The following UNC80 variants were observed in gnomAD, a reference collection of about 807,000 sequenced individuals.
UNC80 encodes the protein protein unc-80 homolog.
Under a neutral mutation model 384.6 loss-of-function variants are expected in UNC80, and 164 were observed. That is an observed-to-expected ratio of 0.43 (90% CI 0.38 to 0.49). UNC80 has a LOEUF of 0.49. Among genes scored for constraint, UNC80 ranks in the 20% least tolerant of loss-of-function variants. UNC80 has a pLI of 0.00. For missense variants in UNC80, 3,330 were observed against 4,143.0 expected (o/e 0.80, Z 5.39); for synonymous variants, 1,486 against 1,527.8 (o/e 0.97, Z 0.64).
intron 61 of UNC80, 66 bp from the exon 62 acceptor site, chr2:209,992,100 A>G: frequency 7.3e-7 from 1 of 1,367,424 alleles, no homozygotes; most frequent in Non-Finnish European, 1.0e-6. Flanking sequence ...ATTTTGGCTA[A>G]CACCCACCAG....
chr2:209,844,465 TTC>T (rs2082003432), intron 21 of UNC80, among the ~76,000 whole-genome samples: 1 of 58,872 alleles, frequency 1.7e-5, no homozygotes, highest in African/African-American at 4.1e-5. Flanking sequence ...CTTTCTTTCT[TTC>T]TTTCTTTCTT....
Position 209,923,892 on chromosome 2 carries a change from C to A in UNC80, c.5662+1509C>A, listed in dbSNP as rs537696259. 3.1e-4 allele frequency among the ~76,000 whole-genome samples: 47 copies of A among 152,116 alleles called. 1 individual carries two copies. Among genetic ancestry groups the A allele is most frequent in the African/African-American group, 1.1e-3 (45 of 41,532 alleles). On this transcript the variant is annotated intron_variant, in intron 35 of 64. Transcript: ENST00000673920. ...CTGCTAATTTTGCCTTTTGATTAGT[C>A]AGTTTACATTTATTGCAGTTTTGGA...
rs1253449974 is a variant in UNC80 at position 209,984,899 on chromosome 2, G to A, written c.9301G>A (p.Gly3101Ser). The change falls in exon 61 of 65, where the codon GGC (glycine) becomes AGC (serine). Residue 3101 changes from glycine to serine, a missense_variant. Coordinates refer to ENST00000673920, the MANE Select transcript of UNC80 (RefSeq NM_001371986.1). ...TGACTCCCAGGGCCTGGCCGCCGAG[G>A]GCAGCCTCTCTAGGTACAGTGTCAA... ...LDDSQGLAAEGSLSRVASIQS... is the reference protein window; with the variant it reads ...LDDSQGLAAESSLSRVASIQS... 3 of 1,550,760 alleles carry A rather than the reference G, an allele frequency of 1.9e-6. No individual in the cohort carries two copies. Among genetic ancestry groups the A allele is most frequent in the African/African-American group, 1.4e-5 (1 of 72,908 alleles).
Position 209,934,572 on chromosome 2 carries a change from A to G in UNC80, c.6178+567A>G, listed in dbSNP as rs796106543. On this transcript the variant is annotated intron_variant, in intron 39 of 64. Transcript: ENST00000673920. ...AGTGACTAAGAAAATTTGAGATGAT[A>G]CATGTATTGAAATAGAAGTGAAAGA... 5.3e-5 allele frequency among the ~76,000 whole-genome samples: 8 copies of G among 152,308 alleles called. No individual in the cohort carries two copies. The South Asian group carries it at 1.5e-3, about 28-fold the overall frequency.
chr2:209,894,536 G>A (rs2086633918), intron 27 of UNC80, among the ~76,000 whole-genome samples, 170 bp downstream of exon 27: 1 of 152,206 alleles, frequency 6.6e-6, no homozygotes, highest in Admixed American at 6.5e-5. Flanking sequence ...GAGCAAGGCA[G>A]CTCAAGCCTT....
intron 22 of UNC80, among the ~76,000 whole-genome samples, chr2:209,871,814 CT>C (rs551693169): frequency 6.6e-4 from 85 of 129,294 alleles, no homozygotes; most frequent in Non-Finnish European, 7.4e-4. Context: ...CTTCTTTTTT[CT>C]TTTTTTTTTT....
At chr2:209,790,549 T>C (rs1396279346) in intron 6 of UNC80, among the ~76,000 whole-genome samples, 1 of 152,196 alleles carries the variant, frequency 6.6e-6, no homozygotes, top group East Asian at 1.9e-4. Context: ...TGTCTTGATA[T>C]GGTTGTAATT....
At chr2:209,960,049 A>G (rs1159561120) in intron 51 of UNC80, among the ~76,000 whole-genome samples, 1 of 152,124 alleles carries the variant, frequency 6.6e-6, no homozygotes, top group African/African-American at 2.4e-5. Context: ...CCAGATTCGA[A>G]TTTTTCACAA....
At chr2:209,778,195 G>A (rs1574405280) in intron 4 of UNC80, among the ~76,000 whole-genome samples, 1 of 152,270 alleles carries the variant, frequency 6.6e-6, no homozygotes, top group East Asian at 1.9e-4. Flanking sequence ...TTGAGGTCAG[G>A]AGTTCCAGGC....
At chr2:209,897,627 G>T (rs1326247608) in intron 28 of UNC80, among the ~76,000 whole-genome samples, 1 of 152,118 alleles carries the variant, frequency 6.6e-6, no homozygotes, top group Non-Finnish European at 1.5e-5. Context: ...GAATTTAAAT[G>T]AATCATATCT....
chr2:209,923,417 A>G (rs770805123), intron 35 of UNC80, among the ~76,000 whole-genome samples: 6 of 152,166 alleles, frequency 3.9e-5, no homozygotes, highest in Admixed American at 1.3e-4. Flanking sequence ...GTTATGAGTT[A>G]GAATTTTGCA....
At chr2:209,986,528 T>C (rs980059821) in intron 61 of UNC80, among the ~76,000 whole-genome samples, 1 of 152,186 alleles carries the variant, frequency 6.6e-6, no homozygotes, top group African/African-American at 2.4e-5. Context: ...TTTTGGTAGG[T>C]GAGACTGGTT....
chr2:209,993,126 A>T (rs1009231668), intron 62 of UNC80, among the ~76,000 whole-genome samples, 189 bp from the exon 63 acceptor site: 16 of 152,342 alleles, frequency 1.1e-4, no homozygotes, highest in Non-Finnish European at 2.4e-4. Flanking sequence ...AGGACTAATA[A>T]TTGGGAGATG....
At chr2:209,970,088 A>G (rs2092839268) in intron 53 of UNC80, 197 bp downstream of exon 53, 3 of 643,868 alleles carry the variant, frequency 4.7e-6, no homozygotes, top group Non-Finnish European at 7.7e-6. Context: ...ATCCCTACAC[A>G]GAAGGGATTT....
Position 209,917,870 on chromosome 2 carries a change from T to A in UNC80, c.5123T>A (p.Leu1708Gln). 4.5e-6 allele frequency: 7 copies of A among 1,551,970 alleles called. No homozygotes were observed. The highest frequency in any genetic ancestry group is 6.1e-6 in the Non-Finnish European group (7 of 1,147,048). ...EFHHPETVQR[L>Q]NAVLKFHTLW... ...CACCACCCGGAGACTGTGCAGAGGC[T>A]GAACGCTGTCCTCAAGTTCCACACG... Residue 1708 changes from leucine to glutamine, a missense_variant, in exon 32 of 65, where the codon CTG (leucine) becomes CAG (glutamine). This residue lies in a region of UNC80 where 801 missense variants were observed against 950.8 expected (regional missense o/e 0.84). Transcript: ENST00000673920.
intron 33 of UNC80, 147 bp from the exon 34 acceptor site, chr2:209,921,353 A>G (rs2090026746): frequency 3.8e-6 from 3 of 787,942 alleles, no homozygotes; most frequent in Non-Finnish European, 5.6e-6. Flanking sequence ...TGGTAAAAGG[A>G]CAAATATCCA....
chr2:209,945,024 T>TA, intron 45 of UNC80, 27 bp from the exon 46 acceptor site: 1 of 1,549,128 alleles, frequency 6.5e-7, no homozygotes, highest in East Asian at 2.4e-5. Flanking sequence ...TGGGAGTCAA[T>TA]AAACAAAAAT....
intron 13 of UNC80, among the ~76,000 whole-genome samples, chr2:209,821,944 T>C (rs1262463491): frequency 2.0e-5 from 3 of 152,202 alleles, no homozygotes; most frequent in Non-Finnish European, 4.4e-5. Flanking sequence ...CTATAAATTG[T>C]CCATTTTTCT....
At chr2:209,882,991 C>T (rs1009084930) in intron 25 of UNC80, among the ~76,000 whole-genome samples, 1 of 152,114 alleles carries the variant, frequency 6.6e-6, no homozygotes, top group African/African-American at 2.4e-5. Flanking sequence ...TACTTTATGT[C>T]ACCTTTAATT....
Sources: gnomAD v4.1 joint callset for allele counts (sites outside exome capture counted in the v4.1 genomes callset) on GRCh38, gnomAD v4.1.1 for gene constraint, gnomAD v4.1.1 regional missense constraint, MANE v1.5 for transcripts, NCBI Gene and HGNC (gene_info 2026-07-23, HGNC 2026-07-21) for gene names.